Variants in NRG2 observed in about 807,000 individuals in gnomAD.
NRG2 encodes the protein pro-neuregulin-2, membrane-bound isoform.
NRG2 carries 27 observed loss-of-function variants against 73.9 expected under a neutral mutation model. The observed-to-expected ratio is 0.37, with a 90% CI of 0.27 to 0.50. The LOEUF is 0.50. Among genes scored for constraint, NRG2 ranks in the 20% least tolerant of loss-of-function variants. The pLI is 0.96. For synonymous variants in NRG2, 532 were observed against 541.0 expected (o/e 0.98, Z 0.23); for missense variants, 1,126 against 1,210.1 (o/e 0.93, Z 1.03).
chr5:140,028,572 A>G (rs923601998), intron 1 of NRG2, among the ~76,000 whole-genome samples: 2 of 152,048 alleles, frequency 1.3e-5, no homozygotes, highest in East Asian at 3.9e-4. Context: ...AGACGATGAG[A>G]CCCTGGCTCC....
intron 1 of NRG2, among the ~76,000 whole-genome samples, chr5:140,037,808 T>C (rs974002778): frequency 1.1e-4 from 16 of 148,408 alleles, no homozygotes; most frequent in African/African-American, 3.5e-4. Flanking sequence ...CTCAGGAGGC[T>C]GAGGCAGGAG....
At chr5:139,866,123 A>C (rs1023518749) in intron 4 of NRG2, among the ~76,000 whole-genome samples, 23 of 152,228 alleles carry the variant, frequency 1.5e-4, no homozygotes, top group African/African-American at 5.5e-4. Context: ...GGAAACTCAG[A>C]TAACTCGGGA....
chr5:139,989,884 G>A (rs1333337424), intron 1 of NRG2, among the ~76,000 whole-genome samples: 5 of 151,400 alleles, frequency 3.3e-5, no homozygotes, highest in African/African-American at 7.3e-5. Flanking sequence ...CGCCTCCTGG[G>A]TTCATGCCAT....
chr5:139,853,074 A>G lies in NRG2; in HGVS notation c.1293-47T>C. On this transcript the variant is annotated intron_variant, in intron 6 of 9. Transcript: ENST00000361474. The surrounding 1 kb of genome is among the most constrained non-coding windows in gnomAD (Gnocchi z 4.1). ...GAGGCTGGCATTCCCCCCACTCGCCAACGATGAACTTCCCTAGCTATCTCT... is the reference window on the plus strand; with the variant it reads ...GAGGCTGGCATTCCCCCCACTCGCCGACGATGAACTTCCCTAGCTATCTCT... The G allele has an allele frequency of 6.2e-7, 1 of 1,609,238 alleles. No individual in the cohort carries two copies. The highest frequency in any genetic ancestry group is 1.7e-5 in the Admixed American group (1 of 58,806).
intron 1 of NRG2, among the ~76,000 whole-genome samples, chr5:140,012,729 C>G (rs1278556526): frequency 4.6e-5 from 7 of 152,164 alleles, no homozygotes; most frequent in Non-Finnish European, 1.0e-4. Flanking sequence ...ATACTACCAC[C>G]TTTTTACTGA....
chr5:140,018,257 A>G (rs1210501833), intron 1 of NRG2, among the ~76,000 whole-genome samples: 1 of 152,186 alleles, frequency 6.6e-6, no homozygotes, highest in Non-Finnish European at 1.5e-5. Flanking sequence ...AGGTCATGTG[A>G]TAGGATCTCT....
At chr5:139,971,597 T>TA (rs1350285811) in intron 1 of NRG2, among the ~76,000 whole-genome samples, 5 of 151,640 alleles carry the variant, frequency 3.3e-5, no homozygotes, top group Non-Finnish European at 5.9e-5. Flanking sequence ...AAAACAAATG[T>TA]AAAAAAAATC....
intron 1 of NRG2, among the ~76,000 whole-genome samples, chr5:139,932,022 T>C (rs968465702): frequency 1.3e-5 from 2 of 152,174 alleles, no homozygotes; most frequent in Non-Finnish European, 2.9e-5. Context: ...TGGAAAACAA[T>C]ATGGAGATTC....
intron 1 of NRG2, among the ~76,000 whole-genome samples, chr5:139,944,823 A>AC (rs1753685187): frequency 6.6e-6 from 1 of 150,498 alleles, no homozygotes; most frequent in African/African-American, 2.4e-5. Context: ...GTTCTGAGAG[A>AC]CCCCCATACT....
intron 1 of NRG2, among the ~76,000 whole-genome samples, chr5:139,892,320 G>A (rs756283841): frequency 1.3e-5 from 2 of 152,142 alleles, no homozygotes; most frequent in Non-Finnish European, 2.9e-5. Flanking sequence ...AGGTGTGCTG[G>A]GAAGGCATTA....
In NRG2 at chr5:139,853,212, G is replaced by A. The variant is rs78656209; in HGVS notation, c.1293-185C>T. On this transcript the variant is annotated intron_variant, in intron 6 of 9. Transcript: ENST00000361474. The surrounding 1 kb of genome is among the most constrained non-coding windows in gnomAD (Gnocchi z 4.1). The stretch of plus-strand genomic sequence containing the variant: ...CTGAATCCAATAGGACCTGAGCGTC[G>A]TGGCAGTGAGCTCTGGCTCTGCCCA... Among the ~76,000 whole-genome samples, 5,506 of 152,222 alleles carry A rather than the reference G, an allele frequency of 0.036. 146 individuals are homozygous for A. The highest frequency in any genetic ancestry group is 0.09 in the South Asian group (433 of 4,812).
rs374835967 is a variant in NRG2, at chr5:139,960,277, G to C, written c.701-72766C>G. 1.6e-4 allele frequency among the ~76,000 whole-genome samples: 24 copies of C among 152,334 alleles called. 2 individuals carry two copies. Among genetic ancestry groups the C allele is most frequent in the African/African-American group, 5.8e-4 (24 of 41,572 alleles). ...TGCCTGTAATCCTAGCAGTTTGGGA[G>C]GTCGAGGCGGGCAGGTCACCTGAGG... On this transcript the variant is annotated intron_variant, in intron 1 of 9. Coordinates refer to ENST00000361474, the MANE Select transcript of NRG2 (RefSeq NM_004883.3).
In NRG2 at chr5:139,848,451, G is replaced by T; in HGVS notation, c.2019C>A (p.Ser673Arg). The change falls in exon 10 of 10, where the codon AGC (serine) becomes AGA (arginine). Residue 673 changes from serine to arginine, a missense_variant. By Grantham distance (110) the Ser-to-Arg change is moderately radical. Transcript: ENST00000361474. ...CCGCGGGGTAATAGTAGCTGTCATA[G>T]CTGCGCTGCATGTCTGCGCCGGGCC... The part of the protein sequence containing the change: ...GPGPGADMQR[S>R]YDSYYYPAAG... 7.5e-7 allele frequency: 1 copy of T among 1,333,414 alleles called. No individual in the cohort carries two copies. The highest frequency in any genetic ancestry group is 2.1e-5 in the South Asian group (1 of 48,774). 82.6% of individuals were successfully genotyped at this position (1,333,414 alleles called of 1,614,324 possible). A position where few individuals can be genotyped will look rare whatever the true frequency, so the allele number is the denominator to read the frequency against.
chr5:139,853,139 G>T lies in NRG2; in HGVS notation c.1293-112C>A. On this transcript the variant is annotated intron_variant, in intron 6 of 9. Coordinates refer to ENST00000361474, the MANE Select transcript of NRG2 (RefSeq NM_004883.3). The surrounding 1 kb of genome is among the most constrained non-coding windows in gnomAD (Gnocchi z 4.1). The stretch of plus-strand genomic sequence containing the variant: ...TTTCCTCCTGCCCAGGGTGGCCATG[G>T]CTACTGCTCGTCCCTGTACTCAAGC... 7.0e-7 allele frequency: 1 copy of T among 1,434,572 alleles called. No homozygotes were observed. The highest frequency in any genetic ancestry group is 1.3e-5 in the South Asian group (1 of 77,182). The allele number at this position is 1,434,572 out of a possible 1,614,324, so 88.9% of individuals were successfully genotyped here. A position where few individuals can be genotyped will look rare whatever the true frequency, so the allele number is the denominator to read the frequency against.
intron 1 of NRG2, among the ~76,000 whole-genome samples, chr5:139,902,160 C>A (rs1764929010): frequency 6.6e-6 from 1 of 152,222 alleles, no homozygotes; most frequent in Non-Finnish European, 1.5e-5. Context: ...ACCCCCAGCA[C>A]CGCTGCCAAG....
chr5:139,847,903 C>T lies in NRG2; in HGVS notation c.*14G>A. On this transcript the variant is annotated 3_prime_UTR_variant, in exon 10 of 10. Transcript: ENST00000361474. ...TAGTGGGGCGGGCGGGGCGGAGGGG[C>T]GCGCGGCGGGGCCCTAGAGTGGCGC... The T allele has an allele frequency of 2.8e-6, 4 of 1,414,666 alleles. No homozygotes were observed. The highest frequency in any genetic ancestry group is 2.7e-6 in the Non-Finnish European group (3 of 1,091,276). 87.6% of individuals were successfully genotyped at this position (1,414,666 alleles called of 1,614,324 possible).
chr5:139,944,282 T>C (rs1035193648), intron 1 of NRG2, among the ~76,000 whole-genome samples: 5 of 152,212 alleles, frequency 3.3e-5, no homozygotes, highest in Non-Finnish European at 7.4e-5. Context: ...ATCCTCCTTC[T>C]AGGTTTTTGA....
Position 139,940,859 on chromosome 5 carries a change from A to G in NRG2, c.701-53348T>C, listed in dbSNP as rs137938610. On this transcript the variant is annotated intron_variant, in intron 1 of 9. Coordinates refer to ENST00000361474, the MANE Select transcript of NRG2 (RefSeq NM_004883.3). Reference sequence around the variant, plus strand: ...TGTACATTTAAAAAAAAAGATGCTGATACAGGGAAGTACAGGATGCTGTGG... The same window carrying G: ...TGTACATTTAAAAAAAAAGATGCTGGTACAGGGAAGTACAGGATGCTGTGG... Among the ~76,000 whole-genome samples the G allele has an allele frequency of 4.0e-3, 614 of 152,300 alleles. 3 individuals are homozygous for G. The highest frequency in any genetic ancestry group is 0.015 in the African/African-American group (603 of 41,582).
chr5:139,938,718 T>C (rs192129492), intron 1 of NRG2, among the ~76,000 whole-genome samples: 17 of 151,564 alleles, frequency 1.1e-4, no homozygotes, highest in Non-Finnish European at 7.4e-5. Flanking sequence ...CAATAGACTA[T>C]CCAGAAATAT....
Sources: allele counts gnomAD v4.1 joint callset (sites outside exome capture counted in the v4.1 genomes callset), GRCh38; gene constraint gnomAD v4.1.1; non-coding constraint Gnocchi (gnomAD v3.1); transcripts MANE v1.5; gene names NCBI Gene and HGNC (gene_info 2026-07-23, HGNC 2026-07-21).